SHISA9: variants seen among roughly 807,000 people sequenced by gnomAD.
SHISA9 encodes shisa family member 9.
A neutral mutation model predicts 38.0 loss-of-function variants in SHISA9; 13 were observed. That is an observed-to-expected ratio of 0.34 (90% CI 0.22 to 0.54). SHISA9 has a LOEUF of 0.54. Ranked by LOEUF, SHISA9 falls within the 20% of genes least tolerant of loss-of-function variation. SHISA9 has a pLI of 0.91. For synonymous variants in SHISA9, 275 were observed against 242.0 expected (o/e 1.14, Z -1.27); for missense variants, 538 against 575.8 (o/e 0.93, Z 0.67).
At chr16:13,149,354 A>G (rs1325746374) in intron 2 of SHISA9, among the ~76,000 whole-genome samples, 3 of 152,124 alleles carry the variant, frequency 2.0e-5, no homozygotes, top group Admixed American at 2.0e-4. Context: ...GCTATCGTTC[A>G]ATGCCTTGGG....
the SHISA9 span, among the ~76,000 whole-genome samples, chr16:13,396,966 G>C: frequency 7.6e-4 from 116 of 152,144 alleles, no homozygotes; most frequent in African/African-American, 2.5e-3. Context: ...CCACCCCTGA[G>C]ACAGTGAGAC....
chr16:13,419,129 T>C, the SHISA9 span, among the ~76,000 whole-genome samples: 8 of 152,246 alleles, frequency 5.3e-5, no homozygotes, highest in African/African-American at 1.7e-4. Context: ...GCTTTGTATT[T>C]AATGACCTCA....
At chr16:12,908,497 G>A in intron 1 of SHISA9, 1 of 1,552,286 alleles carries the variant, frequency 6.4e-7, no homozygotes, top group Non-Finnish European at 8.7e-7. Flanking sequence ...ACAATCTGCT[G>A]TTTATGGAGG....
chr16:13,283,188 G>A, the SHISA9 span, among the ~76,000 whole-genome samples: 1 of 152,034 alleles, frequency 6.6e-6, no homozygotes, highest in African/African-American at 2.4e-5. Context: ...GGAACTTTGT[G>A]CAACTTTGGC....
chr16:13,315,229 A>G, the SHISA9 span, among the ~76,000 whole-genome samples: 1 of 152,214 alleles, frequency 6.6e-6, no homozygotes, highest in African/African-American at 2.4e-5. Flanking sequence ...AGTGATTTGT[A>G]AAGAAGAAAT....
At chr16:13,488,587 A>G in the SHISA9 span, among the ~76,000 whole-genome samples, 4 of 152,158 alleles carry the variant, frequency 2.6e-5, no homozygotes, top group Non-Finnish European at 4.4e-5. Flanking sequence ...TGCCTACAGT[A>G]TTTCATATGG....
In SHISA9 at chr16:13,236,870, T is replaced by C. The variant is rs1481942895; in HGVS notation, c.*1461T>C. On this transcript the variant is annotated 3_prime_UTR_variant, in exon 5 of 5. Transcript: ENST00000558583. ...CCAAATTACCTCCCCACATACTTCA[T>C]GTGTTCATCTCCCATCCAGAATGTC... is the stretch of plus-strand genomic sequence containing the variant. 2.0e-5 allele frequency: 3 copies of C among 152,210 alleles called. No homozygotes were observed. Among genetic ancestry groups the C allele is most frequent in the Admixed American group, 2.0e-4 (3 of 15,280 alleles). 9.4% of individuals were successfully genotyped at this position (152,210 alleles called of 1,614,324 possible).
At chr16:13,279,944 T>C in the SHISA9 span, among the ~76,000 whole-genome samples, 1 of 151,890 alleles carries the variant, frequency 6.6e-6, no homozygotes. Flanking sequence ...TGTCCTTATT[T>C]TGGTAAATTG....
At chr16:13,151,182 C>G (rs1156652434) in intron 2 of SHISA9, among the ~76,000 whole-genome samples, 1 of 152,184 alleles carries the variant, frequency 6.6e-6, no homozygotes, top group Non-Finnish European at 1.5e-5. Context: ...TCTCACCTCA[C>G]TGCAACATTT....
At chr16:13,490,763 A>C in the SHISA9 span, among the ~76,000 whole-genome samples, 1 of 152,230 alleles carries the variant, frequency 6.6e-6, no homozygotes, top group Non-Finnish European at 1.5e-5. Flanking sequence ...CAAAGCACTT[A>C]GCACTTAGAA....
chr16:13,476,081 C>T, the SHISA9 span, among the ~76,000 whole-genome samples: 1 of 152,260 alleles, frequency 6.6e-6, no homozygotes, highest in East Asian at 1.9e-4. Flanking sequence ...GGGGGAGACC[C>T]CTGCCATTGA....
chr16:13,463,249 C>T, the SHISA9 span, among the ~76,000 whole-genome samples: 3 of 152,138 alleles, frequency 2.0e-5, no homozygotes, highest in South Asian at 2.1e-4. Flanking sequence ...TGGCATGACC[C>T]GTGAGGAAGC....
At chr16:12,962,801 C>A (rs558451913) in intron 2 of SHISA9, among the ~76,000 whole-genome samples, 1 of 152,328 alleles carries the variant, frequency 6.6e-6, no homozygotes, top group East Asian at 1.9e-4. Context: ...CTTTGAATCA[C>A]CCTGATTTTC....
intron 2 of SHISA9, among the ~76,000 whole-genome samples, chr16:12,926,957 G>T (rs1001257826): frequency 1.3e-5 from 2 of 152,118 alleles, no homozygotes; most frequent in African/African-American, 4.8e-5. Flanking sequence ...ACTGCTTTTG[G>T]TTGGAAAATA....
At chr16:12,960,117 G>C (rs2071889570) in intron 2 of SHISA9, among the ~76,000 whole-genome samples, 1 of 152,236 alleles carries the variant, frequency 6.6e-6, no homozygotes, top group South Asian at 2.1e-4. Flanking sequence ...TTTGGCGTTT[G>C]GCCCTGATAT....
chr16:12,925,821 AAAGGAGT>A (rs2071386724), intron 2 of SHISA9, among the ~76,000 whole-genome samples: 2 of 152,304 alleles, frequency 1.3e-5, no homozygotes, highest in African/African-American at 4.8e-5. Context: ...GTGTGGATTG[AAAGGAGT>A]AATAAATAAA....
At chr16:13,405,710 C>T in the SHISA9 span, among the ~76,000 whole-genome samples, 1 of 152,054 alleles carries the variant, frequency 6.6e-6, no homozygotes, top group Non-Finnish European at 1.5e-5. Context: ...TACTTATAAG[C>T]AAGAACATGT....
intron 2 of SHISA9, among the ~76,000 whole-genome samples, chr16:12,942,521 C>T (rs533693205): frequency 2.0e-5 from 3 of 152,174 alleles, no homozygotes; most frequent in Non-Finnish European, 4.4e-5. Context: ...TTATTGAATT[C>T]GCTGCAAAGT....
the SHISA9 span, among the ~76,000 whole-genome samples, chr16:13,392,099 G>A: frequency 6.6e-6 from 1 of 152,088 alleles, no homozygotes; most frequent in African/African-American, 2.4e-5. Context: ...TTTCCTGGGA[G>A]GAAAGGTATC....
Sources: allele counts gnomAD v4.1 joint callset (sites outside exome capture counted in the v4.1 genomes callset), GRCh38; gene constraint gnomAD v4.1.1; transcripts MANE v1.5; gene names NCBI Gene and HGNC (gene_info 2026-07-23, HGNC 2026-07-21).